CEACAM7: variants seen among roughly 807,000 people sequenced by gnomAD.
CEACAM7 encodes the protein CEA cell adhesion molecule 7, also known as cell adhesion molecule CEACAM7.
A neutral mutation model predicts 25.7 loss-of-function variants in CEACAM7; 24 were observed. The observed-to-expected ratio is 0.93, with a 90% confidence interval of 0.68 to 1.31. The LOEUF (loss-of-function observed/expected upper bound fraction) is 1.31. Among genes scored for constraint, CEACAM7 ranks in the 40% most tolerant of loss-of-function variants. The pLI, the probability that CEACAM7 is intolerant of heterozygous loss-of-function variation, is 0.00. For synonymous variants in CEACAM7, 144 were observed against 129.4 expected, an observed-to-expected ratio of 1.11 and a Z score of -0.77; for missense variants, 324 against 330.1, an observed-to-expected ratio of 0.98 and a Z score of 0.14.
At position 41,675,834 on chromosome 19, in the gene CEACAM7, A is replaced by G. The variant is rs529950204; in HGVS notation, c.*37-1095T>C. The stretch of plus-strand genomic sequence containing the variant: ...GACTGACAAAATATTAGATTTCTAG[A>G]AATCTCATATAATTTTTGAAACATT... On this transcript the variant is annotated intron_variant, in intron 4 of 4. Coordinates refer to ENST00000401731, the MANE Select transcript of CEACAM7 (RefSeq NM_001291485.2). Among the ~76,000 whole-genome samples the G allele has an allele frequency of 8.3e-4, 126 of 152,366 alleles. 3 individuals carry two copies. Among genetic ancestry groups the G allele is most frequent in the Non-Finnish European group, 1.0e-3 (71 of 68,032 alleles).
In CEACAM7 at chr19:41,687,171, C is replaced by A. The variant is rs782404595; in HGVS notation, c.115G>T (p.Asp39Tyr). The A allele has an allele frequency of 1.9e-6, 3 of 1,613,542 alleles. No homozygotes were observed. Among genetic ancestry groups the A allele is most frequent in the Non-Finnish European group, 2.5e-6 (3 of 1,179,696 alleles). ...TCTGCGACATTGAACGGCACGACAT[C>A]AATATTGGTCTGGGCACTGTTTGGC... ...NLPNSAQTNI[D>Y]VVPFNVAEGK... is the part of the protein sequence containing the mutation. Residue 39 changes from aspartate to tyrosine, a missense_variant, in exon 2 of 5, where the codon GAT becomes TAT. Coordinates refer to ENST00000401731, the MANE Select transcript of CEACAM7 (RefSeq NM_001291485.2).
At chr19:41,676,642 C>T (rs1363225125) in intron 4 of CEACAM7, among the ~76,000 whole-genome samples, 2 of 152,220 alleles carry the variant, frequency 1.3e-5, no homozygotes, top group Non-Finnish European at 2.9e-5. Context: ...TTCTCAGCCA[C>T]GTTTAGGTTG....
intron 3 of CEACAM7, among the ~76,000 whole-genome samples, chr19:41,680,181 A>G (rs549589838): frequency 1.3e-5 from 2 of 151,978 alleles, no homozygotes; most frequent in African/African-American, 4.8e-5. Context: ...TAAGAAAAAA[A>G]TTGATTCACA....
Position 41,686,986 on chromosome 19 carries a change from C to G in CEACAM7, c.300G>C (p.Glu100Asp), listed in dbSNP as rs141674615. 3 of 1,613,076 alleles carry G rather than the reference C, an allele frequency of 1.9e-6. No homozygotes were observed. The African/African-American group carries it at 4.0e-5, about 22-fold the overall frequency. The change falls in exon 2 of 5, where the codon GAG becomes GAC. Residue 100 changes from glutamate (E) to aspartate (D), a missense_variant. Physicochemically the swap from Glu to Asp is conservative, Grantham distance 45. Transcript: ENST00000401731. ...GCAGGGTTCCATTGGGGTATATTGT[C>G]TCTCGACCGTTGTGTGCGGGCCCTG... ...NAPGPAHNGR[E>D]TIYPNGTLLI...
At chr19:41,683,499 T>A (rs1215656880) in intron 3 of CEACAM7, among the ~76,000 whole-genome samples, 2 of 152,260 alleles carry the variant, frequency 1.3e-5, no homozygotes, top group Admixed American at 6.5e-5. Flanking sequence ...AATCCTGAAG[T>A]CCCAACCAAA....
At chr19:41,680,061 C>T (rs2072159227) in intron 3 of CEACAM7, among the ~76,000 whole-genome samples, 2 of 141,700 alleles carry the variant, frequency 1.4e-5, no homozygotes, top group South Asian at 4.6e-4. Flanking sequence ...CCCAAATGAT[C>T]TGACCACCTC....
At chr19:41,686,775 C>G (rs1027352512) in intron 2 of CEACAM7, 84 bp downstream of exon 2, 17 of 1,420,078 alleles carry the variant, frequency 1.2e-5, no homozygotes, top group Non-Finnish European at 1.6e-5. Context: ...GATGGGGACA[C>G]AGGCACAACC....
Position 41,677,444 on chromosome 19 carries a change from T to A in CEACAM7, c.766A>T (p.Ile256Phe). The A allele has an allele frequency of 6.2e-7, 1 of 1,614,052 alleles. No homozygotes were observed. The highest frequency in any genetic ancestry group is 1.7e-4 in the Middle Eastern group (1 of 6,060). The change falls in exon 4 of 5, where the codon ATT becomes TTT. Residue 256 changes from isoleucine to phenylalanine, a missense_variant. By Grantham distance (21) the Ile-to-Phe change is conservative. Transcript: ENST00000401731. ...AGAGCCATCCCAGCCAGTACTCCAA[T>A]CATGATGCTGACAGCGGTCCCAGCT... ...LSAGTAVSIM[I>F]GVLAGMALI
At chr19:41,676,616 G>A (rs1353880818) in intron 4 of CEACAM7, among the ~76,000 whole-genome samples, 17 of 152,176 alleles carry the variant, frequency 1.1e-4, no homozygotes, top group African/African-American at 4.1e-4. Flanking sequence ...CACATGAATT[G>A]GTTATCAGGA....
At chr19:41,680,144 C>T (rs2072160609) in intron 3 of CEACAM7, among the ~76,000 whole-genome samples, 1 of 151,524 alleles carries the variant, frequency 6.6e-6, no homozygotes, top group Non-Finnish European at 1.5e-5. Context: ...TTCCTATGCA[C>T]TTACAATGAA....
rs557623008 is a variant in CEACAM7 at position 41,677,616 on chromosome 19, T to C, written c.707-113A>G. ...TCTATTTGTTCCTTCAAGGAATACATTATTTTTGTGGGAAGGTTGCTGGGA... is the reference window on the plus strand; with the variant it reads ...TCTATTTGTTCCTTCAAGGAATACACTATTTTTGTGGGAAGGTTGCTGGGA... On this transcript the variant is annotated intron_variant, in intron 3 of 4. Transcript: ENST00000401731. 4.4e-6 allele frequency: 3 copies of C among 682,570 alleles called. No individual in the cohort carries two copies. The African/African-American group carries it at 5.3e-5, about 12-fold the overall frequency. The allele number at this position is 682,570 out of a possible 1,614,324, so 42.3% of individuals were successfully genotyped here.
At chr19:41,687,656 A>G (rs1228677444) in intron 1 of CEACAM7, among the ~76,000 whole-genome samples, 1 of 152,066 alleles carries the variant, frequency 6.6e-6, no homozygotes, top group African/African-American at 2.4e-5. Flanking sequence ...GAGGGCAGGG[A>G]CTTGTGTGAA....
At chr19:41,684,353 C>G (rs1439977391) in intron 2 of CEACAM7, among the ~76,000 whole-genome samples, 1 of 152,226 alleles carries the variant, frequency 6.6e-6, no homozygotes, top group Non-Finnish European at 1.5e-5. Flanking sequence ...GGTGCCTCTC[C>G]TGGTCCTTTC....
rs537444091 is a variant in CEACAM7, at chr19:41,685,004, C to T, written c.428-941G>A. ...CATTCCAAGGGACCCCACCTTATGA[C>T]AATGGTGTCATCATGAGGACACAGG... is the stretch of plus-strand genomic sequence containing the variant. On this transcript the variant is annotated intron_variant, in intron 2 of 4. Transcript: ENST00000401731. 2.0e-5 allele frequency among the ~76,000 whole-genome samples: 3 copies of T among 152,296 alleles called. No homozygotes were observed. In the East Asian group the frequency reaches 5.8e-4, roughly 29 times the overall value.
rs144941059 is a variant in CEACAM7, at chr19:41,673,999, T to A, written c.*777A>T. On this transcript the variant is annotated 3_prime_UTR_variant, in exon 5 of 5. Coordinates refer to ENST00000401731, the MANE Select transcript of CEACAM7 (RefSeq NM_001291485.2). ...AGAATAGATTAAAGAATGAGCCACA[T>A]GAGAAGCCTACCCATTTTAATCAAG... 8.0e-4 allele frequency: 122 copies of A among 152,266 alleles called. No homozygotes were observed. The highest frequency in any genetic ancestry group is 2.9e-3 in the African/African-American group (122 of 41,524). 9.4% of individuals were successfully genotyped at this position (152,266 alleles called of 1,614,324 possible).
chr19:41,678,493 T>C (rs1233118137), intron 3 of CEACAM7, among the ~76,000 whole-genome samples: 2 of 152,356 alleles, frequency 1.3e-5, no homozygotes, highest in Non-Finnish European at 1.5e-5. Flanking sequence ...CTCAGACTGA[T>C]GATTAATAAT....
intron 3 of CEACAM7, among the ~76,000 whole-genome samples, chr19:41,678,027 A>G (rs189690089): frequency 7.8e-4 from 118 of 152,254 alleles, no homozygotes; most frequent in African/African-American, 2.6e-3. Context: ...ACTGCACTGC[A>G]ATCTAAAACT....
In CEACAM7 at chr19:41,674,591, C is replaced by A; in HGVS notation, c.*185G>T. ...AACATTTTGGTTAGCTCTGAGTGGC[C>A]CACATCTCAGGCATGAGGGTTTTTC... is the stretch of plus-strand genomic sequence containing the variant. On this transcript the variant is annotated 3_prime_UTR_variant, in exon 5 of 5. Transcript: ENST00000401731. 3.1e-6 allele frequency: 1 copy of A among 317,716 alleles called. No homozygotes were observed. The highest frequency in any genetic ancestry group is 6.2e-6 in the Non-Finnish European group (1 of 162,346). 19.7% of individuals were successfully genotyped at this position (317,716 alleles called of 1,614,324 possible). A position where few individuals can be genotyped will look rare whatever the true frequency, so the allele number is the denominator to read the frequency against.
chr19:41,683,371 A>G (rs1256131826), intron 3 of CEACAM7, among the ~76,000 whole-genome samples: 3 of 152,186 alleles, frequency 2.0e-5, no homozygotes, highest in Admixed American at 6.5e-5. Context: ...TAACTGGGGT[A>G]GAAGGGGTGT....
Sources: gnomAD v4.1 joint callset for allele counts (sites outside exome capture counted in the v4.1 genomes callset) on GRCh38, gnomAD v4.1.1 for gene constraint, MANE v1.5 for transcripts, NCBI Gene and HGNC (gene_info 2026-07-23, HGNC 2026-07-21) for gene names.